The following ARHGAP23 variants were observed in gnomAD, a reference collection of about 807,000 sequenced individuals.
ARHGAP23 encodes the protein rho GTPase-activating protein 23.
In ARHGAP23, 34 loss-of-function variants were observed where a neutral mutation model predicts 136.3. That is an observed-to-expected ratio of 0.25 (90% CI 0.19 to 0.33). The LOEUF (loss-of-function observed/expected upper bound fraction) is 0.33. Ranked by LOEUF, ARHGAP23 falls within the 10% of genes least tolerant of loss-of-function variation. The probability of loss-of-function intolerance (pLI) is 1.00; values close to 1 mark genes in which losing one functional copy is unlikely to be tolerated. For missense variants in ARHGAP23, 1,808 were observed against 2,139.0 expected, an observed-to-expected ratio of 0.85 and a Z score of 3.05; for synonymous variants, 832 against 920.5, an observed-to-expected ratio of 0.90 and a Z score of 1.74.
At chr17:38,500,829 A>G (rs2040503232) in intron 23 of ARHGAP23, 10 of 615,348 alleles carry the variant, frequency 1.6e-5, no homozygotes, top group Non-Finnish European at 2.7e-5. Flanking sequence ...CATCTGCTGT[A>G]GTAGAAGGAC....
At chr17:38,488,829 G>A (rs1430400112) in intron 17 of ARHGAP23, among the ~76,000 whole-genome samples, 2 of 151,922 alleles carry the variant, frequency 1.3e-5, no homozygotes, top group Non-Finnish European at 1.5e-5. Flanking sequence ...GATTACAGGC[G>A]TGAGCCACCG....
Position 38,510,141 on chromosome 17 carries a change from G to A in ARHGAP23, c.3645G>A (p.Gly1215=). The A allele has an allele frequency of 7.9e-7, 1 of 1,273,362 alleles. No homozygotes were observed. Among genetic ancestry groups the A allele is most frequent in the Non-Finnish European group, 9.8e-7 (1 of 1,016,810 alleles). The allele number at this position is 1,273,362 out of a possible 1,614,324, so 78.9% of individuals were successfully genotyped here. Reference sequence around the variant, plus strand: ...CGGGGACTCAGGAGCGGCCGCAGGGGCCGCTGCCTGGCGCCGTCGCCCCCG... The same window carrying A: ...CGGGGACTCAGGAGCGGCCGCAGGGACCGCTGCCTGGCGCCGTCGCCCCCG... ...TAPGTQERPQ[G]PLPGAVAPEA... is the part of the protein sequence containing the mutation. Residue 1215 remains glycine, a synonymous_variant, in exon 24 of 24, where the codon GGG becomes GGA. Coordinates refer to ENST00000622683, the MANE Select transcript of ARHGAP23 (RefSeq NM_001199417.2). The surrounding 1 kb of genome is among the most constrained non-coding windows in gnomAD (Gnocchi z 4.6).
chr17:38,509,248 G>A (rs1039158195), intron 23 of ARHGAP23, among the ~76,000 whole-genome samples: 1 of 152,086 alleles, frequency 6.6e-6, no homozygotes, highest in African/African-American at 2.4e-5. Flanking sequence ...TGCCCAACTT[G>A]GGGTTGGAAA....
intron 11 of ARHGAP23, among the ~76,000 whole-genome samples, chr17:38,475,611 G>C (rs866309260): frequency 1.3e-5 from 2 of 152,212 alleles, no homozygotes; most frequent in Admixed American, 1.3e-4. Flanking sequence ...GCTGGATGTG[G>C]AGCCACCAGC....
Position 38,476,668 on chromosome 17 carries a change from G to C in ARHGAP23, c.2119-911G>C, listed in dbSNP as rs528860402. Among the ~76,000 whole-genome samples, 23 of 152,310 alleles carry C rather than the reference G, an allele frequency of 1.5e-4. No individual in the cohort carries two copies. The East Asian group carries it at 4.1e-3, about 27-fold the overall frequency. On this transcript the variant is annotated intron_variant, in intron 11 of 23. Transcript: ENST00000622683. ...TTGAGGGAGGTGTGCAGGGAGAGGA[G>C]AGGAGAGGAGAGTCAGGACAAAGTT...
chr17:38,424,719 T>TAGAC (rs1156750252), upstream of ARHGAP23, among the ~76,000 whole-genome samples: 3 of 152,188 alleles, frequency 2.0e-5, no homozygotes, highest in Non-Finnish European at 4.4e-5. Flanking sequence ...GTTAAGTGTA[T>TAGAC]AGACCCTGGA....
At position 38,510,285 on chromosome 17, in the gene ARHGAP23, C is replaced by T; in HGVS notation, c.3789C>T (p.Gly1263=). 7.8e-7 allele frequency: 1 copy of T among 1,284,770 alleles called. No individual in the cohort carries two copies. The highest frequency in any genetic ancestry group is 1.5e-5 in the African/African-American group (1 of 64,854). The allele number at this position is 1,284,770 out of a possible 1,614,324, so 79.6% of individuals were successfully genotyped here. A position where few individuals can be genotyped will look rare whatever the true frequency, so the allele number is the denominator to read the frequency against. ...CCATGGACCGCAGCGTGTGCTCGGG[C>T]GCTAGCGGTCGGCGGGCAGGGGCGG... The part of the protein sequence containing the change: ...LSTMDRSVCS[G]ASGRRAGAGD... Residue 1263 remains glycine (G), a synonymous_variant, in exon 24 of 24, where the codon GGC becomes GGT. Coordinates refer to ENST00000622683, the MANE Select transcript of ARHGAP23 (RefSeq NM_001199417.2). The surrounding 1 kb of genome is among the most constrained non-coding windows in gnomAD (Gnocchi z 4.6).
In ARHGAP23 at chr17:38,510,769, C is replaced by T; in HGVS notation, c.4273C>T (p.Leu1425=). 6.7e-7 allele frequency: 1 copy of T among 1,494,598 alleles called. No individual in the cohort carries two copies. Among genetic ancestry groups the T allele is most frequent in the Non-Finnish European group, 8.9e-7 (1 of 1,124,562 alleles). The allele number at this position is 1,494,598 out of a possible 1,614,324, so 92.6% of individuals were successfully genotyped here. Reference sequence around the variant, plus strand: ...CCTCAACTTCAACGAGTGGAAGGAGCTGGGCGGAGGGGGCCCCCCGGAGCC... The same window carrying T: ...CCTCAACTTCAACGAGTGGAAGGAGTTGGGCGGAGGGGGCCCCCCGGAGCC... ...TDLNFNEWKE[L]GGGGPPEPAG... is the part of the protein sequence containing the mutation. The change falls in exon 24 of 24, where the codon CTG becomes TTG. Residue 1425 remains leucine, a synonymous_variant. Coordinates refer to ENST00000622683, the MANE Select transcript of ARHGAP23 (RefSeq NM_001199417.2). The surrounding 1 kb of genome is among the most constrained non-coding windows in gnomAD (Gnocchi z 4.6).
intron 8 of ARHGAP23, 78 bp from the exon 9 acceptor site, chr17:38,469,446 G>A: frequency 1.4e-6 from 2 of 1,476,326 alleles, no homozygotes; most frequent in Non-Finnish European, 1.8e-6. Context: ...TCCTGCCCCT[G>A]CCCAGAAGGG....
chr17:38,489,320 C>T (rs946770932), intron 17 of ARHGAP23, among the ~76,000 whole-genome samples: 4 of 152,224 alleles, frequency 2.6e-5, no homozygotes, highest in African/African-American at 9.7e-5. Flanking sequence ...ACAGTTGGCT[C>T]TGCCGTGTGA....
At chr17:38,487,383 C>T (rs1438698789) in intron 17 of ARHGAP23, among the ~76,000 whole-genome samples, 2 of 152,264 alleles carry the variant, frequency 1.3e-5, no homozygotes, top group South Asian at 2.1e-4. Flanking sequence ...TTGAATAAGT[C>T]CTTGCACGCC....
In ARHGAP23 at chr17:38,479,897, C is replaced by A; in HGVS notation, c.2629+14C>A. 6.6e-7 allele frequency: 1 copy of A among 1,520,376 alleles called. No homozygotes were observed. Among genetic ancestry groups the A allele is most frequent in the African/African-American group, 1.4e-5 (1 of 71,502 alleles). 94.2% of individuals were successfully genotyped at this position (1,520,376 alleles called of 1,614,324 possible). On this transcript the variant is annotated intron_variant, in intron 14 of 23. Transcript: ENST00000622683. The stretch of plus-strand genomic sequence containing the variant: ...CAGGGAGCAAGGGTAGGAAGGTGGC[C>A]ACTGAGACAGGGTGGTGTGTGGGGG...
intron 1 of ARHGAP23, among the ~76,000 whole-genome samples, chr17:38,442,765 G>C (rs1166138114): frequency 6.6e-6 from 1 of 152,258 alleles, no homozygotes; most frequent in Non-Finnish European, 1.5e-5. Flanking sequence ...AGGGTGGCCA[G>C]AGCACAGAGG....
Position 38,510,436 on chromosome 17 carries a change from C to A in ARHGAP23, c.3940C>A (p.Pro1314Thr). The change falls in exon 24 of 24, where the codon CCC becomes ACC. Residue 1314 changes from proline (P) to threonine (T), a missense_variant. Physicochemically the swap from Pro to Thr is conservative, Grantham distance 38 (BLOSUM62 -1). This residue lies in a region of ARHGAP23 where 506 missense variants were observed against 455.8 expected (regional missense o/e 1.11). Transcript: ENST00000622683. This position sits in a 1 kb window ranked among gnomAD's most constrained non-coding sequence, Gnocchi z 4.6. ...GTCCTTCAGCTCGCACCACCTCATG[C>A]CCTGCGACACTCTGGCGCGCCGCCG... ...RPSFSSHHLMPCDTLARRRLA... is the reference protein window; with the variant it reads ...RPSFSSHHLMTCDTLARRRLA... 8.2e-7 allele frequency: 1 copy of A among 1,219,802 alleles called. No individual in the cohort carries two copies. The highest frequency in any genetic ancestry group is 1.0e-6 in the Non-Finnish European group (1 of 980,826). 75.6% of individuals were successfully genotyped at this position (1,219,802 alleles called of 1,614,324 possible).
chr17:38,427,262 T>G (rs2038583853), upstream of ARHGAP23, among the ~76,000 whole-genome samples: 1 of 152,146 alleles, frequency 6.6e-6, no homozygotes, highest in Non-Finnish European at 1.5e-5. Context: ...GTCAGGAGTT[T>G]GAGACCAGCC....
chr17:38,490,582 G>T (rs1292690240), intron 19 of ARHGAP23, 31 bp downstream of exon 19: 3 of 1,468,342 alleles, frequency 2.0e-6, no homozygotes, highest in Non-Finnish European at 2.8e-6. Flanking sequence ...GAGTCTGGGG[G>T]AGGCAAGCAC....
At chr17:38,460,341 CT>C (rs1311805190) in intron 2 of ARHGAP23, among the ~76,000 whole-genome samples, 1 of 152,112 alleles carries the variant, frequency 6.6e-6, no homozygotes, top group Non-Finnish European at 1.5e-5. Context: ...AGTATTGTCA[CT>C]TGCTGTTGTT....
At chr17:38,486,530 C>T (rs775292998) in intron 17 of ARHGAP23, among the ~76,000 whole-genome samples, 48 of 141,428 alleles carry the variant, frequency 3.4e-4, no homozygotes, top group Non-Finnish European at 5.8e-4. Context: ...TGAGCCACCA[C>T]GCTGGCTTTT....
At position 38,466,473 on chromosome 17, in the gene ARHGAP23, C is replaced by T; in HGVS notation, c.790C>T (p.Pro264Ser). 3 of 1,518,040 alleles carry T rather than the reference C, an allele frequency of 2.0e-6. No individual in the cohort carries two copies. The highest frequency in any genetic ancestry group is 1.4e-5 in the African/African-American group (1 of 72,796). The allele number at this position is 1,518,040 out of a possible 1,614,324, so 94.0% of individuals were successfully genotyped here. ...PGAFPHLSSEPRTPRAFPEPG... is the reference protein window; with the variant it reads ...PGAFPHLSSESRTPRAFPEPG... ...TGCCTTCCCCCACCTCTCCTCGGAG[C>T]CCCGGACGCCCCGTGCCTTCCCAGA... Residue 264 changes from proline (P) to serine (S), a missense_variant, in exon 7 of 24, where the codon CCC (proline) becomes TCC (serine). Transcript: ENST00000622683.
Sources: allele counts gnomAD v4.1 joint callset (sites outside exome capture counted in the v4.1 genomes callset), GRCh38; gene constraint gnomAD v4.1.1; regional missense constraint gnomAD v4.1.1; non-coding constraint Gnocchi (gnomAD v3.1); transcripts MANE v1.5; gene names NCBI Gene and HGNC (gene_info 2026-07-23, HGNC 2026-07-21).